Variants in GALNT10 observed in about 807,000 individuals in gnomAD.
The protein encoded by GALNT10 is polypeptide N-acetylgalactosaminyltransferase 10, also known as GalNAc transferase 10.
A neutral mutation model predicts 75.0 loss-of-function variants in GALNT10; 41 were observed. The observed-to-expected ratio is 0.55, with a 90% CI of 0.43 to 0.71. The LOEUF (loss-of-function observed/expected upper bound fraction) is 0.71. Among genes scored for constraint, GALNT10 ranks in the 30% least tolerant of loss-of-function variants. The probability of loss-of-function intolerance (pLI) is 0.00; values close to 1 mark genes in which losing one functional copy is unlikely to be tolerated. For missense variants in GALNT10, 727 were observed against 818.5 expected (o/e 0.89, Z 1.36); for synonymous variants, 302 against 313.0 (o/e 0.96, Z 0.37).
At chr5:154,214,232 C>CA (rs534924711) in intron 1 of GALNT10, among the ~76,000 whole-genome samples, 4,672 of 144,844 alleles carry the variant, frequency 0.032, 106 homozygotes, top group Middle Eastern at 0.14. Flanking sequence ...AAATCAAGCA[C>CA]AAAAAAAAAA....
intron 4 of GALNT10, among the ~76,000 whole-genome samples, chr5:154,359,206 A>G (rs35399609): frequency 0.042 from 6,443 of 152,202 alleles, 241 homozygotes; most frequent in African/African-American, 0.092. Context: ...TCCTAACCAC[A>G]GCCATCCGCA....
Position 154,420,520 on chromosome 5 carries a change from A to G in GALNT10, c.*3548A>G, listed in dbSNP as rs1756607841. The G allele has an allele frequency of 1.3e-5, 2 of 152,140 alleles. No homozygotes were observed. Among genetic ancestry groups the G allele is most frequent in the Admixed American group, 1.3e-4 (2 of 15,282 alleles). 9.4% of individuals were successfully genotyped at this position (152,140 alleles called of 1,614,324 possible). On this transcript the variant is annotated 3_prime_UTR_variant, in exon 12 of 12. Transcript: ENST00000297107. ...ATTCCTAGGAGGTAATGCATTTTTA[A>G]TGTTTTCTGAAGCTTTGTAAGTGTG...
chr5:154,222,727 A>C (rs979822200), intron 1 of GALNT10, among the ~76,000 whole-genome samples: 7 of 152,184 alleles, frequency 4.6e-5, no homozygotes, highest in Non-Finnish European at 1.0e-4. Context: ...GCATCTCTTC[A>C]TGTGTTTATT....
At chr5:154,335,514 G>A (rs1310760514) in intron 4 of GALNT10, among the ~76,000 whole-genome samples, 2 of 152,164 alleles carry the variant, frequency 1.3e-5, no homozygotes, top group Non-Finnish European at 2.9e-5. Context: ...GGCAGAAAGA[G>A]CAGGACAAGC....
chr5:154,201,284 C>T (rs527454984), intron 1 of GALNT10, among the ~76,000 whole-genome samples: 5 of 152,176 alleles, frequency 3.3e-5, no homozygotes, highest in South Asian at 2.1e-4. Context: ...GCAGGGCTTA[C>T]GGTCCCCACT....
intron 1 of GALNT10, among the ~76,000 whole-genome samples, chr5:154,199,306 T>C (rs1234920855): frequency 6.6e-6 from 1 of 152,020 alleles, no homozygotes; most frequent in African/African-American, 2.4e-5. Context: ...AGGGAACTCC[T>C]CTCCACCCAC....
intron 4 of GALNT10, among the ~76,000 whole-genome samples, chr5:154,331,220 A>C (rs1482296250): frequency 6.6e-6 from 1 of 152,040 alleles, no homozygotes; most frequent in East Asian, 1.9e-4. Context: ...TGTTTGATGA[A>C]CCAGAGCCTG....
At chr5:154,354,851 G>A (rs201393378) in intron 4 of GALNT10, among the ~76,000 whole-genome samples, 1 of 152,296 alleles carries the variant, frequency 6.6e-6, no homozygotes, top group East Asian at 1.9e-4. Flanking sequence ...CATGGAAACT[G>A]TACGTGACCC....
intron 4 of GALNT10, among the ~76,000 whole-genome samples, chr5:154,370,011 T>C (rs957510435): frequency 2.6e-5 from 4 of 152,256 alleles, no homozygotes; most frequent in Admixed American, 1.3e-4. Context: ...AGATTGAAAC[T>C]CTGAAATATT....
At chr5:154,301,696 T>C (rs1248183774) in intron 3 of GALNT10, among the ~76,000 whole-genome samples, 4 of 152,164 alleles carry the variant, frequency 2.6e-5, no homozygotes, top group Non-Finnish European at 5.9e-5. Flanking sequence ...CATTTGGCTT[T>C]GAATAAATTT....
chr5:154,228,182 T>G (rs1174679786), intron 1 of GALNT10, among the ~76,000 whole-genome samples: 1 of 152,194 alleles, frequency 6.6e-6, no homozygotes, highest in African/African-American at 2.4e-5. Context: ...GTGAGCCAAT[T>G]AAACCTCTTC....
chr5:154,310,595 G>T (rs1182826180), intron 3 of GALNT10, among the ~76,000 whole-genome samples: 1 of 151,920 alleles, frequency 6.6e-6, no homozygotes, highest in Non-Finnish European at 1.5e-5. Flanking sequence ...AGCCTCCCAA[G>T]TAGCTGGGAT....
intron 1 of GALNT10, among the ~76,000 whole-genome samples, chr5:154,277,964 T>C (rs1753975998): frequency 1.3e-5 from 2 of 150,038 alleles, no homozygotes; most frequent in South Asian, 4.2e-4. Context: ...TGATATTCCC[T>C]GGAGTACCTA....
At chr5:154,384,424 G>A (rs913616356) in intron 6 of GALNT10, among the ~76,000 whole-genome samples, 2 of 152,170 alleles carry the variant, frequency 1.3e-5, no homozygotes, top group South Asian at 2.1e-4. Flanking sequence ...AAATATTATC[G>A]TTTTAACATG....
At chr5:154,255,373 G>A (rs1753591159) in intron 1 of GALNT10, among the ~76,000 whole-genome samples, 1 of 152,072 alleles carries the variant, frequency 6.6e-6, no homozygotes, top group African/African-American at 2.4e-5. Flanking sequence ...TGCAGTGCCG[G>A]GTATAATGAG....
intron 1 of GALNT10, among the ~76,000 whole-genome samples, chr5:154,287,729 T>A (rs1754133205): frequency 6.6e-6 from 1 of 152,192 alleles, no homozygotes; most frequent in Non-Finnish European, 1.5e-5. Context: ...ATTGTTTGGA[T>A]GAATGAATTA....
At chr5:154,264,899 A>C (rs568809649) in intron 1 of GALNT10, among the ~76,000 whole-genome samples, 2 of 152,294 alleles carry the variant, frequency 1.3e-5, no homozygotes, top group Admixed American at 1.3e-4. Flanking sequence ...TCTTCATGCC[A>C]ACTGTCAAAA....
intron 4 of GALNT10, among the ~76,000 whole-genome samples, chr5:154,350,918 G>A (rs153420): frequency 0.85 from 128,856 of 152,204 alleles, 55,027 homozygotes; most frequent in African/African-American, 0.96. Flanking sequence ...GTTAAAACCT[G>A]GTTTGCTGGG....
At chr5:154,363,629 G>T (rs1291983336) in intron 4 of GALNT10, among the ~76,000 whole-genome samples, 1 of 152,012 alleles carries the variant, frequency 6.6e-6, no homozygotes, top group Non-Finnish European at 1.5e-5. Flanking sequence ...AACAGGGTGG[G>T]CACACCTGAA....
Sources: allele counts gnomAD v4.1 joint callset (sites outside exome capture counted in the v4.1 genomes callset), GRCh38; gene constraint gnomAD v4.1.1; transcripts MANE v1.5; gene names NCBI Gene and HGNC (gene_info 2026-07-23, HGNC 2026-07-21).